Variants in PDE4D observed in about 807,000 individuals in gnomAD.
The protein encoded by PDE4D is 3',5'-cyclic-AMP phosphodiesterase 4D.
A neutral mutation model predicts 87.4 loss-of-function variants in PDE4D; 24 were observed. The observed-to-expected ratio is 0.27, with a 90% CI of 0.20 to 0.39. The LOEUF (loss-of-function observed/expected upper bound fraction) is 0.39. Among genes scored for constraint, PDE4D ranks in the 10% least tolerant of loss-of-function variants. The pLI is 1.00. For synonymous variants in PDE4D, 384 were observed against 383.2 expected (o/e 1.00, Z -0.02); for missense variants, 714 against 1,041.0 (o/e 0.69, Z 4.32).
chr5:59,439,739 GC>G lies in PDE4D; in HGVS notation c.456-223772del, dbSNP rs202148188. Among the ~76,000 whole-genome samples the G allele has an allele frequency of 5.3e-3, 813 of 152,294 alleles. 27 individuals carry two copies. The East Asian group carries it at 0.076, about 14-fold the overall frequency. On this transcript the variant is annotated intron_variant, in intron 1 of 14. Transcript: ENST00000340635. ...ATGGGGTGAGAAGAGGGACTGCTTT[GC>G]TGCCATGGAGCCCTTGGGGTTGGGA...
intron 1 of PDE4D, among the ~76,000 whole-genome samples, chr5:59,513,088 TAG>T (rs1373733523): frequency 6.6e-6 from 1 of 152,110 alleles, no homozygotes; most frequent in Non-Finnish European, 1.5e-5. Context: ...GATAAAAATA[TAG>T]AGGTTTTTCA....
intron 1 of PDE4D, among the ~76,000 whole-genome samples, chr5:59,385,876 G>C (rs1257372503): frequency 6.6e-6 from 1 of 151,878 alleles, no homozygotes; most frequent in Non-Finnish European, 1.5e-5. Flanking sequence ...GTATCTCAGG[G>C]AACCAGATCT....
chr5:60,063,267 CTT>C (rs1008862940), intron 2 of PDE4D, among the ~76,000 whole-genome samples: 2 of 152,006 alleles, frequency 1.3e-5, no homozygotes, highest in Non-Finnish European at 2.9e-5. Flanking sequence ...AGGATCCACT[CTT>C]AGGTATAAAG....
chr5:59,671,729 G>T (rs1190909377), intron 1 of PDE4D, among the ~76,000 whole-genome samples: 1 of 151,002 alleles, frequency 6.6e-6, no homozygotes, highest in East Asian at 2.0e-4. Context: ...GATCACTGGA[G>T]CCCAGCAAGT....
intron 1 of PDE4D, among the ~76,000 whole-genome samples, chr5:60,213,610 G>A (rs565619133): frequency 2.6e-5 from 4 of 152,206 alleles, no homozygotes; most frequent in East Asian, 3.9e-4. Flanking sequence ...CTCTTCCCCC[G>A]TTGACAACAG....
intron 1 of PDE4D, among the ~76,000 whole-genome samples, chr5:59,252,658 A>G (rs1181296578): frequency 1.3e-5 from 2 of 151,974 alleles, no homozygotes; most frequent in African/African-American, 2.4e-5. Context: ...AGTAGGTGGG[A>G]CTACAGGTGT....
intron 1 of PDE4D, among the ~76,000 whole-genome samples, chr5:60,415,480 G>GA (rs1742421181): frequency 6.6e-6 from 1 of 152,240 alleles, no homozygotes; most frequent in African/African-American, 2.4e-5. Context: ...GGGAACCGGG[G>GA]CTGCGCGGCA....
intron 3 of PDE4D, among the ~76,000 whole-genome samples, chr5:59,982,459 A>G (rs1762021911): frequency 6.6e-6 from 1 of 152,186 alleles, no homozygotes; most frequent in Non-Finnish European, 1.5e-5. Flanking sequence ...CATGTGTGGC[A>G]AGCTAGACTC....
At position 60,170,822 on chromosome 5, in the gene PDE4D, G is replaced by T. The variant is rs553362758; in HGVS notation, c.42+14735C>A. Reference sequence around the variant, plus strand: ...TATATCTCTGACTCTTTAATTTCTAGTATTGATAATGGAAATGATGAAACT... The same window carrying T: ...TATATCTCTGACTCTTTAATTTCTATTATTGATAATGGAAATGATGAAACT... On this transcript the variant is annotated intron_variant, in intron 2 of 16. Transcript: ENST00000502484. Among the ~76,000 whole-genome samples, 4 of 152,012 alleles carry T rather than the reference G, an allele frequency of 2.6e-5. No individual in the cohort carries two copies. The East Asian group carries it at 7.7e-4, about 29-fold the overall frequency.
At chr5:59,126,872 T>C (rs893720148) in intron 5 of PDE4D, among the ~76,000 whole-genome samples, 2 of 152,250 alleles carry the variant, frequency 1.3e-5, no homozygotes. Flanking sequence ...TCAGTTCTAC[T>C]CTATGTTGTT....
intron 5 of PDE4D, among the ~76,000 whole-genome samples, chr5:59,064,134 G>A (rs1763539003): frequency 6.6e-6 from 1 of 150,700 alleles, no homozygotes; most frequent in African/African-American, 2.4e-5. Flanking sequence ...AGGGAGGGAA[G>A]GAGGGAGACA....
chr5:59,124,874 T>C (rs1335168095), intron 5 of PDE4D, among the ~76,000 whole-genome samples: 2 of 152,210 alleles, frequency 1.3e-5, no homozygotes, highest in East Asian at 3.8e-4. Flanking sequence ...CTATATATTT[T>C]TATTAAAAAC....
chr5:60,174,974 A>G (rs181343965), intron 2 of PDE4D, among the ~76,000 whole-genome samples: 5 of 151,980 alleles, frequency 3.3e-5, no homozygotes, highest in Admixed American at 2.6e-4. Context: ...TCAATTTTGG[A>G]AATTTTTTCA....
chr5:59,708,435 A>T (rs1753757029), intron 1 of PDE4D, among the ~76,000 whole-genome samples: 2 of 152,192 alleles, frequency 1.3e-5, no homozygotes, highest in African/African-American at 4.8e-5. Context: ...TAAGGAAGAA[A>T]GAGAGAAGAA....
intron 1 of PDE4D, among the ~76,000 whole-genome samples, chr5:59,788,128 A>G (rs1581110763): frequency 6.6e-6 from 1 of 152,358 alleles, no homozygotes; most frequent in African/African-American, 2.4e-5. Flanking sequence ...GTGTATCTCT[A>G]TAAGATAGAC....
intron 5 of PDE4D, among the ~76,000 whole-genome samples, chr5:59,175,340 C>G (rs1783648269): frequency 6.6e-6 from 1 of 152,150 alleles, no homozygotes; most frequent in African/African-American, 2.4e-5. Flanking sequence ...CCAATATTCT[C>G]TGTTACCTCT....
chr5:59,649,904 CCTTTTTTTT>C lies in PDE4D; in HGVS notation c.455+243255_455+243263del, dbSNP rs1439892053. On this transcript the variant is annotated intron_variant, in intron 1 of 14. Transcript: ENST00000340635. ...TGTTAAAATGTTGATAGTTTGTGAA[CCTTTTTTTT>C]TTTTTTTTTTTTTTTTTTTAGCAAT... Among the ~76,000 whole-genome samples the C allele has an allele frequency of 2.2e-4, 16 of 73,976 alleles. 2 individuals are homozygous for C. In the South Asian group the frequency reaches 3.5e-3, roughly 16 times the overall value. 48.5% of individuals were successfully genotyped at this position (73,976 alleles called of 152,430 possible). A position where few individuals can be genotyped will look rare whatever the true frequency, so the allele number is the denominator to read the frequency against.
At chr5:59,070,759 T>C (rs1260981195) in intron 5 of PDE4D, among the ~76,000 whole-genome samples, 1 of 152,180 alleles carries the variant, frequency 6.6e-6, no homozygotes, top group East Asian at 1.9e-4. Flanking sequence ...ACTAATTCAA[T>C]CCCAAACTTT....
intron 5 of PDE4D, among the ~76,000 whole-genome samples, chr5:59,171,407 A>G (rs547121067): frequency 1.3e-5 from 2 of 152,122 alleles, no homozygotes; most frequent in South Asian, 2.1e-4. Flanking sequence ...CTCTTTCTAC[A>G]CTGCTTCCAA....
Sources: allele counts gnomAD v4.1 joint callset (sites outside exome capture counted in the v4.1 genomes callset), GRCh38; gene constraint gnomAD v4.1.1; transcripts MANE v1.5; gene names NCBI Gene and HGNC (gene_info 2026-07-23, HGNC 2026-07-21).